SAXO1: variants seen among roughly 807,000 people sequenced by gnomAD.
The protein encoded by SAXO1 is 4930500O09Rik.
SAXO1 carries 21 observed loss-of-function variants against 17.5 expected under a neutral mutation model. That is an observed-to-expected ratio of 1.20 (90% CI 0.85 to 1.72). SAXO1 has a LOEUF of 1.72. Among genes scored for constraint, SAXO1 ranks in the 40% most tolerant of loss-of-function variants. The pLI is 0.00. For missense variants in SAXO1, 843 were observed against 596.0 expected (o/e 1.41, Z -4.32); for synonymous variants, 274 against 216.5 (o/e 1.27, Z -2.33).
intron 1 of SAXO1, chr9:19,027,368 A>AG: frequency 1.3e-6 from 1 of 774,436 alleles, no homozygotes; most frequent in Non-Finnish European, 2.4e-6. Context: ...AAGGCCACAG[A>AG]GGTGGATGAG....
At chr9:18,962,754 G>T (rs1172616076) in intron 1 of SAXO1, among the ~76,000 whole-genome samples, 1 of 152,204 alleles carries the variant, frequency 6.6e-6, no homozygotes, top group African/African-American at 2.4e-5. Flanking sequence ...TCAGTAGGTT[G>T]CCTGTTCACT....
At chr9:18,971,630 C>T (rs1027847723) in intron 1 of SAXO1, among the ~76,000 whole-genome samples, 2 of 152,056 alleles carry the variant, frequency 1.3e-5, no homozygotes, top group Admixed American at 6.6e-5. Flanking sequence ...GGCTGGACTT[C>T]GAGTTTAATT....
chr9:19,007,038 C>T (rs2130975949), intron 1 of SAXO1, among the ~76,000 whole-genome samples: 1 of 150,452 alleles, frequency 6.6e-6, no homozygotes, highest in Non-Finnish European at 1.5e-5. Flanking sequence ...CAGTGAGACT[C>T]CATCTCAAAA....
rs570808481 is a variant in SAXO1, at chr9:19,032,877, G to A, written c.32C>T (p.Ser11Phe). 31 of 1,610,544 alleles carry A rather than the reference G, an allele frequency of 1.9e-5. No homozygotes were observed. The highest frequency in any genetic ancestry group is 2.4e-5 in the Non-Finnish European group (28 of 1,179,774). Residue 11 changes from serine (S) to phenylalanine (F), a missense_variant, in exon 1 of 4, where the codon TCC becomes TTC. Transcript: ENST00000380534. ...CTGGGCGTGGCCACCTTACCCGCAG[G>A]AGCACAGTTCACAGATGCACTTCGT... MKTKCICELC[S>F]CGRHHCPHLP...
At position 19,026,510 on chromosome 9, in the gene SAXO1, G is replaced by A. The variant is rs370892316; in HGVS notation, c.38+6361C>T. ...TTACTTTACAGCAACCCTGCCTTGC[G>A]CCACCCACTCCCCCACCTAACCACA... On this transcript the variant is annotated intron_variant, in intron 1 of 3. Transcript: ENST00000380534. Among the ~76,000 whole-genome samples the A allele has an allele frequency of 2.3e-4, 35 of 152,106 alleles. 2 individuals are homozygous for A. The East Asian group carries it at 5.2e-3, about 23-fold the overall frequency.
intron 1 of SAXO1, among the ~76,000 whole-genome samples, chr9:19,001,990 G>T (rs182960943): frequency 6.6e-6 from 1 of 151,978 alleles, no homozygotes; most frequent in Non-Finnish European, 1.5e-5. Flanking sequence ...AAAACAGATA[G>T]CCCACTAGCC....
intron 1 of SAXO1, among the ~76,000 whole-genome samples, chr9:18,958,176 C>A (rs1832330068): frequency 1.3e-5 from 2 of 152,174 alleles, no homozygotes; most frequent in Non-Finnish European, 2.9e-5. Context: ...GTAACCCCAG[C>A]ACATTGGGAG....
At chr9:18,991,871 A>G (rs1833829410) in intron 1 of SAXO1, among the ~76,000 whole-genome samples, 1 of 152,132 alleles carries the variant, frequency 6.6e-6, no homozygotes, top group Admixed American at 6.5e-5. Context: ...GCTTTACACT[A>G]AGATTTTGAG....
chr9:19,045,616 C>T (rs576437990), intron 1 of SAXO1, among the ~76,000 whole-genome samples: 1 of 152,176 alleles, frequency 6.6e-6, no homozygotes, highest in Non-Finnish European at 1.5e-5. Flanking sequence ...ATACACACCC[C>T]ATCCCAGTAG....
intron 1 of SAXO1, among the ~76,000 whole-genome samples, chr9:18,955,150 C>A (rs944454903): frequency 6.6e-6 from 1 of 152,106 alleles, no homozygotes; most frequent in African/African-American, 2.4e-5. Flanking sequence ...GTGCTATGAT[C>A]TTGTCTGGGA....
At chr9:18,990,127 C>T (rs866749794) in intron 1 of SAXO1, among the ~76,000 whole-genome samples, 2 of 151,558 alleles carry the variant, frequency 1.3e-5, no homozygotes, top group South Asian at 2.1e-4. Context: ...CATTTGATTT[C>T]GGTGCTGCCT....
chr9:18,993,230 C>T (rs540254081), intron 1 of SAXO1, among the ~76,000 whole-genome samples: 3 of 152,058 alleles, frequency 2.0e-5, no homozygotes, highest in African/African-American at 4.8e-5. Flanking sequence ...TTTTAAGCCC[C>T]GCATGCATTA....
chr9:19,014,407 G>C (rs1428853268), intron 1 of SAXO1, among the ~76,000 whole-genome samples: 1 of 137,902 alleles, frequency 7.3e-6, no homozygotes, highest in Non-Finnish European at 1.5e-5. Context: ...GTTGCAGTTA[G>C]CTGAGATCAC....
At chr9:18,992,063 A>G (rs1177705938) in intron 1 of SAXO1, among the ~76,000 whole-genome samples, 1 of 152,156 alleles carries the variant, frequency 6.6e-6, no homozygotes, top group African/African-American at 2.4e-5. Context: ...CCCCCCAATG[A>G]GATAGGTGTG....
At chr9:19,041,258 A>G (rs1472477758) in intron 1 of SAXO1, among the ~76,000 whole-genome samples, 1 of 152,090 alleles carries the variant, frequency 6.6e-6, no homozygotes, top group African/African-American at 2.4e-5. Flanking sequence ...AGAGCTCTAC[A>G]ATGAAAACTA....
intron 3 of SAXO1, among the ~76,000 whole-genome samples, chr9:18,933,822 T>G (rs889350584): frequency 1.5e-4 from 23 of 152,260 alleles, no homozygotes; most frequent in Middle Eastern, 3.4e-3. Flanking sequence ...CAAGGTGGGC[T>G]GATCACGAGG....
chr9:19,034,136 G>A (rs1022052986), upstream of SAXO1, among the ~76,000 whole-genome samples: 2 of 152,362 alleles, frequency 1.3e-5, no homozygotes, highest in African/African-American at 4.8e-5. Flanking sequence ...TATGGGAAAT[G>A]GGAGCTTAAA....
rs370143117 is a variant in SAXO1, at chr9:18,928,779, G to T, written c.698C>A (p.Pro233His). 1.2e-6 allele frequency: 2 copies of T among 1,614,138 alleles called. No individual in the cohort carries two copies. The highest frequency in any genetic ancestry group is 2.2e-5 in the South Asian group (2 of 91,076). ...EAEKFRPCEI[P>H]FESLTTQKQS... is the part of the protein sequence containing the mutation. ...TTTTTGAGTGGTAAGGCTTTCAAAG[G>T]GGATTTCACAGGGCCTGAACTTCTC... is the stretch of plus-strand genomic sequence containing the variant. The change falls in exon 4 of 4, where the codon CCC becomes CAC. Residue 233 changes from proline (P) to histidine (H), a missense_variant. By Grantham distance (77) the Pro-to-His change is moderately conservative (BLOSUM62 -2). Coordinates refer to ENST00000380534, the MANE Select transcript of SAXO1 (RefSeq NM_153707.4).
At chr9:18,966,500 C>G (rs557491374) in intron 1 of SAXO1, among the ~76,000 whole-genome samples, 1 of 152,106 alleles carries the variant, frequency 6.6e-6, no homozygotes, top group Non-Finnish European at 1.5e-5. Context: ...GATCTTCAAA[C>G]TCTGATATCC....
Sources: gnomAD v4.1 joint callset for allele counts (sites outside exome capture counted in the v4.1 genomes callset) on GRCh38, gnomAD v4.1.1 for gene constraint, MANE v1.5 for transcripts, NCBI Gene and HGNC (gene_info 2026-07-23, HGNC 2026-07-21) for gene names.